Variants in PSG4 observed in about 807,000 individuals in gnomAD.
The protein encoded by PSG4 is pregnancy specific beta-1-glycoprotein 4, also known as pregnancy-specific beta-1-glycoprotein 4.
PSG4 carries 61 observed loss-of-function variants against 44.3 expected under a neutral mutation model. The ratio of observed to expected loss-of-function variants is 1.38; its 90% confidence interval spans 1.12 to 1.70. PSG4 has a LOEUF of 1.70. Ranked by LOEUF, PSG4 falls within the 40% of genes most tolerant of loss-of-function variation. The pLI, the probability that PSG4 is intolerant of heterozygous loss-of-function variation, is 0.00. For missense variants in PSG4, 677 were observed against 511.7 expected (o/e 1.32, Z -3.12); for synonymous variants, 248 against 191.3 (o/e 1.30, Z -2.45).
In PSG4 at chr19:43,194,505, G is replaced by A. The variant is rs1207584209; in HGVS notation, c.1078C>T (p.Pro360Ser). 1 of 1,612,504 alleles carries A rather than the reference G, an allele frequency of 6.2e-7. No homozygotes were observed. The highest frequency in any genetic ancestry group is 1.1e-5 in the South Asian group (1 of 91,038). The change falls in exon 5 of 6, where the codon CCA (proline) becomes TCA (serine). Residue 360 changes from proline (P) to serine (S), a missense_variant. Coordinates refer to ENST00000405312, the MANE Select transcript of PSG4 (RefSeq NM_002780.5). Reference protein sequence around the residue: ...LYLSCFAESNPRAQYSWTING... With the variant: ...LYLSCFAESNSRAQYSWTING... The stretch of plus-strand genomic sequence containing the variant: ...ATTGTCCAAGAATATTGTGCCCGTG[G>A]GTTAGACTCGGCGAAGCAGGACAAG...
At position 43,194,462 on chromosome 19, in the gene PSG4, A is replaced by T. The variant is rs780612132; in HGVS notation, c.1121T>A (p.Leu374Gln). 2.4e-5 allele frequency: 38 copies of T among 1,612,370 alleles called. 1 individual carries two copies. The highest frequency in any genetic ancestry group is 9.4e-5 in the African/African-American group (7 of 74,560). Residue 374 changes from leucine to glutamine, a missense_variant, in exon 5 of 6, where the codon CTA becomes CAA. Leu to Gln is a moderately radical substitution (Grantham distance 113). Transcript: ENST00000405312. ...YSWTINGKFQLSGQKLSIPQI... is the reference protein window; with the variant it reads ...YSWTINGKFQQSGQKLSIPQI... ...GGGGATAGAGAGCTTTTGTCCTGATAGCTGAAACTTCCCATTAATTGTCCA... is the reference window on the plus strand; with the variant it reads ...GGGGATAGAGAGCTTTTGTCCTGATTGCTGAAACTTCCCATTAATTGTCCA...
In PSG4 at chr19:43,203,850, T is replaced by C. The variant is rs1032073461; in HGVS notation, c.430+36A>G. ...GTGTGTGAAGTAGAAGTGACCCCTGTCCCCCAACACCCAGGGATCATGTGG... is the reference window on the plus strand; with the variant it reads ...GTGTGTGAAGTAGAAGTGACCCCTGCCCCCCAACACCCAGGGATCATGTGG... On this transcript the variant is annotated intron_variant, in intron 2 of 5. Coordinates refer to ENST00000405312, the MANE Select transcript of PSG4 (RefSeq NM_002780.5). The C allele has an allele frequency of 4.5e-6, 7 of 1,568,058 alleles. 1 individual carries two copies. The highest frequency in any genetic ancestry group is 5.2e-6 in the Non-Finnish European group (6 of 1,162,594).
chr19:43,194,892 A>G (rs543268982), intron 4 of PSG4, 103 bp downstream of exon 4: 4 of 1,552,260 alleles, frequency 2.6e-6, no homozygotes, highest in East Asian at 2.2e-5. Context: ...GTCCAGAAGT[A>G]AAGGTGTCTA....
Position 43,204,118 on chromosome 19 carries a change from A to G in PSG4, c.198T>C (p.Ile66=), listed in dbSNP as rs148906861. 22 of 1,587,262 alleles carry G rather than the reference A, an allele frequency of 1.4e-5. 2 individuals carry two copies. The highest frequency in any genetic ancestry group is 8.6e-5 in the African/African-American group (6 of 69,578). Residue 66 remains isoleucine, a synonymous_variant, in exon 2 of 6, where the codon ATT becomes ATC. Coordinates refer to ENST00000405312, the MANE Select transcript of PSG4 (RefSeq NM_002780.5). ...GGTATGTCATTTGCCCTTTGTACCAAATGTAGCCAGCAAGATTCTGGGGCA... is the reference window on the plus strand; with the variant it reads ...GGTATGTCATTTGCCCTTTGTACCAGATGTAGCCAGCAAGATTCTGGGGCA... ...HNLPQNLAGY[I]WYKGQMTYLY... is the part of the protein sequence containing the mutation.
At chr19:43,197,486 G>A (rs554768579) in intron 3 of PSG4, among the ~76,000 whole-genome samples, 2 of 143,874 alleles carry the variant, frequency 1.4e-5, no homozygotes, top group Admixed American at 1.4e-4. Flanking sequence ...CCATCAATCA[G>A]CCAAGAATGC....
At chr19:43,193,748 T>C (rs138315499) in intron 5 of PSG4, 1 of 536,476 alleles carries the variant, frequency 1.9e-6, no homozygotes, top group South Asian at 2.4e-5. Context: ...TGGTTCATTC[T>C]ATCTATATTC....
rs1568382676 is a variant in PSG4 at position 43,194,370 on chromosome 19, T to C, written c.1213A>G (p.Ser405Gly). ...SVRNSATGKE[S>G]SKSITVKVSD... ...ACTTTGACTGTGATGGATTTGGAGC[T>C]TTCCTTGCCAGTGGCTGAGTTACGA... Residue 405 changes from serine (S) to glycine (G), a missense_variant, in exon 5 of 6, where the codon AGC becomes GGC. By Grantham distance (56) the Ser-to-Gly change is moderately conservative. Transcript: ENST00000405312. The C allele has an allele frequency of 3.7e-6, 6 of 1,612,362 alleles. No individual in the cohort carries two copies. The highest frequency in any genetic ancestry group is 3.4e-6 in the Non-Finnish European group (4 of 1,179,126).
In PSG4 at chr19:43,194,920, G is replaced by C. The variant is rs1386857294; in HGVS notation, c.988+75C>G. ...GGTGTCTATACTTGGACTGGAGAGAGACTGAGAGACCTGGCCTCTGGTGGT... is the reference window on the plus strand; with the variant it reads ...GGTGTCTATACTTGGACTGGAGAGACACTGAGAGACCTGGCCTCTGGTGGT... On this transcript the variant is annotated intron_variant, in intron 4 of 5. Transcript: ENST00000405312. 18 of 1,583,610 alleles carry C rather than the reference G, an allele frequency of 1.1e-5. 2 individuals are homozygous for C. The East Asian group carries it at 3.8e-4, about 33-fold the overall frequency.
intron 1 of PSG4, chr19:43,204,971 A>G (rs1291959963): frequency 3.9e-6 from 1 of 257,742 alleles, no homozygotes; most frequent in Non-Finnish European, 7.3e-6. Flanking sequence ...AGGAAAACAG[A>G]ACACTTAAGA....
rs941305591 is a variant in PSG4, at chr19:43,197,353, A to G, written c.709+644T>C. Among the ~76,000 whole-genome samples the G allele has an allele frequency of 1.4e-5, 2 of 145,578 alleles. 1 individual carries two copies. The highest frequency in any genetic ancestry group is 5.3e-5 in the African/African-American group (2 of 37,940). ...AGGGATCCACTTACCAGGCACTATGATCCTCTTGATTATGAGATTTGTTCC... is the reference window on the plus strand; with the variant it reads ...AGGGATCCACTTACCAGGCACTATGGTCCTCTTGATTATGAGATTTGTTCC... On this transcript the variant is annotated intron_variant, in intron 3 of 5. Coordinates refer to ENST00000405312, the MANE Select transcript of PSG4 (RefSeq NM_002780.5).
chr19:43,197,749 C>T (rs796818042), intron 3 of PSG4: 3 of 875,862 alleles, frequency 3.4e-6, no homozygotes, highest in Non-Finnish European at 4.9e-6. Context: ...AGCCTGAGAC[C>T]TTCACCTGTT....
In PSG4 at chr19:43,198,271, C is replaced by A. The variant is rs758016420; in HGVS notation, c.435G>T (p.Glu145Asp). 3 of 1,585,188 alleles carry A rather than the reference C, an allele frequency of 1.9e-6. No individual in the cohort carries two copies. The South Asian group carries it at 3.3e-5, about 18-fold the overall frequency. ...TGHFTFTLHL[E>D]TPKPSISSSN... ...TGCTGGAGATGGAGGGCTTGGGAGT[C>A]TCCACTGTGCAGAAAACAGAGAGAG... The change falls in exon 3 of 6, where the codon GAG (glutamate) becomes GAT (aspartate). Residue 145 changes from glutamate (E) to aspartate (D), a missense_variant. Glu to Asp is a conservative substitution (Grantham distance 45). Transcript: ENST00000405312.
At chr19:43,195,463 T>C (rs1337821817) in intron 3 of PSG4, among the ~76,000 whole-genome samples, 190 bp from the exon 4 acceptor site, 1 of 151,518 alleles carries the variant, frequency 6.6e-6, no homozygotes, top group Non-Finnish European at 1.5e-5. Context: ...CCACCTGCTC[T>C]GTTTTAGGGA....
rs756176207 is a variant in PSG4, at chr19:43,204,194, TG to T, written c.121del (p.Gln41SerfsTer32). On this transcript the variant is annotated frameshift_variant, in exon 2 of 6. Coordinates refer to ENST00000405312, the MANE Select transcript of PSG4 (RefSeq NM_002780.5). LOFTEE classifies it high-confidence loss of function. ...PTTAQVTIEA[Q>X]PPKVSEGKDV... ...CTTCCCCTCAGAAACTTTGGGTGGC[TG>T]GGCTTCAATCGTGACTTGGGCAGTT... 1.3e-6 allele frequency: 2 copies of T among 1,584,886 alleles called. No homozygotes were observed. Among genetic ancestry groups the T allele is most frequent in the South Asian group, 2.2e-5 (2 of 89,764 alleles).
chr19:43,195,452 G>T (rs1967201482), intron 3 of PSG4, among the ~76,000 whole-genome samples, 179 bp from the exon 4 acceptor site: 1 of 151,452 alleles, frequency 6.6e-6, no homozygotes, highest in Non-Finnish European at 1.5e-5. Context: ...AGACTGTGAG[G>T]CCACCTGCTC....
intron 2 of PSG4, among the ~76,000 whole-genome samples, chr19:43,201,035 G>A (rs1967487024): frequency 6.9e-6 from 1 of 145,840 alleles, no homozygotes; most frequent in Admixed American, 6.8e-5. Context: ...AGTGATACAG[G>A]AGAAATGAGT....
chr19:43,204,802 C>G (rs1967696521), intron 1 of PSG4: 2 of 390,492 alleles, frequency 5.1e-6, no homozygotes, highest in African/African-American at 7.0e-5. Context: ...TGAGAGTTCT[C>G]AGGGTCTCCA....
chr19:43,193,672 T>A (rs117906102), intron 5 of PSG4: 13,221 of 554,886 alleles, frequency 0.024, 443 homozygotes, highest in Non-Finnish European at 0.029. Flanking sequence ...GATTAAACTT[T>A]TACAAAACCC....
chr19:43,194,900 C>A, intron 4 of PSG4, 95 bp downstream of exon 4: 4 of 1,563,042 alleles, frequency 2.6e-6, no homozygotes, highest in Non-Finnish European at 3.5e-6. Flanking sequence ...GTAAAGGTGT[C>A]TATACTTGGA....
Sources: gnomAD v4.1 joint callset for allele counts (sites outside exome capture counted in the v4.1 genomes callset) on GRCh38, gnomAD v4.1.1 for gene constraint, MANE v1.5 for transcripts, NCBI Gene and HGNC (gene_info 2026-07-23, HGNC 2026-07-21) for gene names.